CCDC3: variants seen among roughly 807,000 people sequenced by gnomAD.
CCDC3 encodes the protein coiled-coil domain containing 3.
A neutral mutation model predicts 21.4 loss-of-function variants in CCDC3; 24 were observed. The observed-to-expected ratio is 1.12, with a 90% CI of 0.81 to 1.58. CCDC3 has a LOEUF of 1.58. CCDC3 is among the 40% of genes most tolerant of loss of function. The pLI is 0.00. For synonymous variants in CCDC3, 186 were observed against 166.0 expected, an observed-to-expected ratio of 1.12 and a Z score of -0.93; for missense variants, 425 against 360.9, an observed-to-expected ratio of 1.18 and a Z score of -1.44.
intron 2 of CCDC3, among the ~76,000 whole-genome samples, chr10:12,900,875 T>C (rs1834082266): frequency 6.6e-6 from 1 of 152,078 alleles, no homozygotes; most frequent in Non-Finnish European, 1.5e-5. Flanking sequence ...GACTCTGGTC[T>C]GTATTAGCCA....
intron 2 of CCDC3, among the ~76,000 whole-genome samples, chr10:12,988,001 CAG>C (rs10563252): frequency 0.07 from 10,607 of 152,216 alleles, 549 homozygotes; most frequent in East Asian, 0.21. Flanking sequence ...ACTCAGCTGC[CAG>C]AGTGTTCCTT....
intron 5 of CCDC3, among the ~76,000 whole-genome samples, chr10:13,016,040 C>A (rs1209666236): frequency 6.6e-6 from 1 of 151,928 alleles, no homozygotes; most frequent in Admixed American, 6.6e-5. Flanking sequence ...ATGCCTATAT[C>A]AAAATATCTC....
chr10:13,048,801 T>C (rs1836565963), intron 5 of CCDC3, among the ~76,000 whole-genome samples: 1 of 148,614 alleles, frequency 6.7e-6, no homozygotes, highest in African/African-American at 2.5e-5. Flanking sequence ...AAGTAAAAAA[T>C]CCAAATATTT....
At chr10:12,957,719 C>A (rs974353779) in intron 2 of CCDC3, among the ~76,000 whole-genome samples, 2 of 152,226 alleles carry the variant, frequency 1.3e-5, no homozygotes, top group African/African-American at 2.4e-5. Flanking sequence ...GATGAGCCTG[C>A]TGCCCTTTAC....
chr10:12,948,782 GACTGCAGTGGCCTATCTCGGCTC>G (rs979059358), intron 2 of CCDC3, among the ~76,000 whole-genome samples: 1 of 128,594 alleles, frequency 7.8e-6, no homozygotes, highest in Non-Finnish European at 1.6e-5. Flanking sequence ...GCCCAGGCTG[GACTGCAGTGGCCTATCTCGGCTC>G]ACTGCAAGCT....
intron 4 of CCDC3, among the ~76,000 whole-genome samples, chr10:13,066,781 G>C (rs1050038240): frequency 1.3e-5 from 2 of 152,184 alleles, no homozygotes; most frequent in African/African-American, 4.8e-5. Flanking sequence ...GAGGAGCCTG[G>C]CTCTTCAGTT....
chr10:13,088,710 G>A (rs1175697743), intron 3 of CCDC3, among the ~76,000 whole-genome samples: 2 of 152,200 alleles, frequency 1.3e-5, no homozygotes, highest in African/African-American at 2.4e-5. Context: ...CGGAAAGGAG[G>A]AAAGCATTTT....
At chr10:12,929,716 T>C (rs367595490) in intron 2 of CCDC3, among the ~76,000 whole-genome samples, 3 of 152,288 alleles carry the variant, frequency 2.0e-5, no homozygotes, top group Non-Finnish European at 4.4e-5. Context: ...GCCGAGCCCA[T>C]TGAAGACAAT....
intron 4 of CCDC3, among the ~76,000 whole-genome samples, chr10:13,059,437 A>C (rs1233159733): frequency 6.6e-6 from 1 of 152,214 alleles, no homozygotes; most frequent in African/African-American, 2.4e-5. Flanking sequence ...ATCTTGCTAC[A>C]TCTAATTAAA....
intron 1 of CCDC3, among the ~76,000 whole-genome samples, chr10:12,999,672 A>G (rs1452732413): frequency 6.6e-6 from 1 of 152,260 alleles, no homozygotes; most frequent in Non-Finnish European, 1.5e-5. Flanking sequence ...TGGTAGAGCA[A>G]AAAAGATGAG....
chr10:12,956,931 G>GC (rs1396357385), intron 2 of CCDC3, among the ~76,000 whole-genome samples: 3 of 152,156 alleles, frequency 2.0e-5, no homozygotes, highest in Admixed American at 2.0e-4. Flanking sequence ...AACCCAATAG[G>GC]CACCTGACCT....
chr10:13,084,786 G>A (rs376808222), intron 3 of CCDC3, among the ~76,000 whole-genome samples: 2 of 152,154 alleles, frequency 1.3e-5, no homozygotes, highest in African/African-American at 4.8e-5. Context: ...ATGTGGGGAG[G>A]AGGTGAGCAA....
At chr10:13,089,363 G>C (rs1837151655) in intron 3 of CCDC3, among the ~76,000 whole-genome samples, 1 of 152,116 alleles carries the variant, frequency 6.6e-6, no homozygotes, top group Admixed American at 6.6e-5. Context: ...AAGAATGCAA[G>C]TAAACAACTT....
chr10:12,942,771 C>A (rs1396666873), intron 2 of CCDC3, among the ~76,000 whole-genome samples: 5 of 152,172 alleles, frequency 3.3e-5, no homozygotes. Context: ...AAACCCCATG[C>A]ATTTCACCAC....
chr10:13,051,710 C>T (rs945026323), intron 4 of CCDC3, among the ~76,000 whole-genome samples: 1 of 151,566 alleles, frequency 6.6e-6, no homozygotes, highest in Non-Finnish European at 1.5e-5. Context: ...ACTGCTAGAG[C>T]GTGGGGCAGG....
intron 2 of CCDC3, among the ~76,000 whole-genome samples, chr10:12,951,146 G>A (rs1240196508): frequency 1.3e-5 from 2 of 152,174 alleles, no homozygotes; most frequent in African/African-American, 2.4e-5. Context: ...CACTTTGGAA[G>A]GAATACTCGA....
At position 12,937,568 on chromosome 10, in the gene CCDC3, TCCTCCCATCTCAG is replaced by T. The variant is rs935507614; in HGVS notation, c.550-38902_550-38890del. Among the ~76,000 whole-genome samples, 87 of 152,130 alleles carry T rather than the reference TCCTCCCATCTCAG, an allele frequency of 5.7e-4. 1 individual carries two copies. Among genetic ancestry groups the T allele is most frequent in the Admixed American group, 2.7e-3 (42 of 15,284 alleles). The stretch of plus-strand genomic sequence containing the variant: ...GCCTCGACCTCCTGGGCTCAATTGA[TCCTCCCATCTCAG>T]CCTCCCAAAATGTTGGGATTGAAAA... On this transcript the variant is annotated intron_variant, in intron 2 of 2. Transcript: ENST00000378825.
chr10:13,068,983 T>C (rs937514593), intron 4 of CCDC3, among the ~76,000 whole-genome samples: 2 of 152,244 alleles, frequency 1.3e-5, no homozygotes, highest in Non-Finnish European at 2.9e-5. Context: ...TGGCCGGGTG[T>C]GGTGGCTCAT....
chr10:13,001,663 G>A lies in CCDC3; in HGVS notation c.-93C>T. 1 of 862,806 alleles carries A rather than the reference G, an allele frequency of 1.2e-6. No individual in the cohort carries two copies. The highest frequency in any genetic ancestry group is 1.4e-6 in the Non-Finnish European group (1 of 707,286). The allele number at this position is 862,806 out of a possible 1,614,324, so 53.4% of individuals were successfully genotyped here. Reference sequence around the variant, plus strand: ...CAGCCCTGGGCGCTCGGCTGCTCGGGCCGCTCCCGGGAGCTGAGCGCACCG... The same window carrying A: ...CAGCCCTGGGCGCTCGGCTGCTCGGACCGCTCCCGGGAGCTGAGCGCACCG... On this transcript the variant is annotated 5_prime_UTR_variant, in exon 1 of 3. Transcript: ENST00000378825.
Sources: gnomAD v4.1 joint callset for allele counts (sites outside exome capture counted in the v4.1 genomes callset) on GRCh38, gnomAD v4.1.1 for gene constraint, MANE v1.5 for transcripts, NCBI Gene and HGNC (gene_info 2026-07-23, HGNC 2026-07-21) for gene names.